Variants in SDC2 observed in about 807,000 individuals in gnomAD.
SDC2 encodes syndecan-2.
Under a neutral mutation model 22.2 loss-of-function variants are expected in SDC2, and 13 were observed. The ratio of observed to expected loss-of-function variants is 0.59; its 90% CI spans 0.38 to 0.93. The LOEUF (loss-of-function observed/expected upper bound fraction) is 0.93. SDC2 is among the 40% of genes least tolerant of loss of function. The pLI, the probability that SDC2 is intolerant of heterozygous loss-of-function variation, is 0.00. For synonymous variants in SDC2, 94 were observed against 92.8 expected (o/e 1.01, Z -0.07); for missense variants, 235 against 246.8 (o/e 0.95, Z 0.32).
chr8:96,515,057 T>C (rs1813382573), intron 1 of SDC2, among the ~76,000 whole-genome samples: 1 of 152,230 alleles, frequency 6.6e-6, no homozygotes, highest in African/African-American at 2.4e-5. Context: ...TGGGTTCTTA[T>C]AGGCTGGCCT....
intron 1 of SDC2, among the ~76,000 whole-genome samples, chr8:96,518,727 G>A (rs1563646047): frequency 6.6e-6 from 1 of 152,064 alleles, no homozygotes; most frequent in Non-Finnish European, 1.5e-5. Flanking sequence ...TTTATTCTTG[G>A]GTCCGTGGGA....
intron 1 of SDC2, among the ~76,000 whole-genome samples, chr8:96,537,988 G>C (rs1813781646): frequency 6.6e-6 from 1 of 152,132 alleles, no homozygotes; most frequent in Non-Finnish European, 1.5e-5. Flanking sequence ...TTTTGAGACG[G>C]AGTCTCGCTC....
At chr8:96,519,752 C>T (rs1813465676) in intron 1 of SDC2, among the ~76,000 whole-genome samples, 1 of 151,928 alleles carries the variant, frequency 6.6e-6, no homozygotes, top group African/African-American at 2.4e-5. Flanking sequence ...TCTTGTGCCT[C>T]AACCTCCTGT....
At chr8:96,590,555 C>T (rs1814763647) in intron 1 of SDC2, among the ~76,000 whole-genome samples, 1 of 152,200 alleles carries the variant, frequency 6.6e-6, no homozygotes, top group African/African-American at 2.4e-5. Context: ...CCGTCCTAGG[C>T]ATGTTCATTC....
At chr8:96,522,308 T>G (rs1367177667) in intron 1 of SDC2, among the ~76,000 whole-genome samples, 1 of 152,204 alleles carries the variant, frequency 6.6e-6, no homozygotes, top group Non-Finnish European at 1.5e-5. Flanking sequence ...TGTGTCTATT[T>G]ATTGTTGGAT....
At chr8:96,601,464 A>G (rs1027184410) in intron 2 of SDC2, among the ~76,000 whole-genome samples, 7 of 151,716 alleles carry the variant, frequency 4.6e-5, no homozygotes, top group Admixed American at 3.9e-4. Flanking sequence ...ACATGGTGAA[A>G]CCCCATCTCT....
intron 1 of SDC2, among the ~76,000 whole-genome samples, chr8:96,517,771 A>ATG (rs34151563): frequency 0.026 from 3,868 of 149,430 alleles, 72 homozygotes; most frequent in Admixed American, 0.064. Flanking sequence ...GTGTGTGTGC[A>ATG]TGTGTGTGTG....
At chr8:96,595,782 C>G (rs547401046) in intron 2 of SDC2, among the ~76,000 whole-genome samples, 1 of 152,330 alleles carries the variant, frequency 6.6e-6, no homozygotes, top group East Asian at 1.9e-4. Context: ...CCAACCTCTA[C>G]AGACCCCCTG....
intron 1 of SDC2, among the ~76,000 whole-genome samples, chr8:96,566,691 ATTTAT>A (rs1814304628): frequency 2.7e-5 from 4 of 150,244 alleles, no homozygotes; most frequent in Admixed American, 1.3e-4. Context: ...TTATTTTTAT[ATTTAT>A]TTTATTATTA....
chr8:96,570,024 A>G (rs899230248), intron 1 of SDC2, among the ~76,000 whole-genome samples: 1 of 152,216 alleles, frequency 6.6e-6, no homozygotes, highest in African/African-American at 2.4e-5. Flanking sequence ...TGATTTGTTG[A>G]TCTAACACGC....
chr8:96,536,184 A>G (rs929853782), intron 1 of SDC2, among the ~76,000 whole-genome samples: 1 of 151,720 alleles, frequency 6.6e-6, no homozygotes, highest in Admixed American at 6.6e-5. Context: ...ATTTTCTCCC[A>G]AGGGACAGAA....
chr8:96,587,732 A>C (rs1208090337), intron 1 of SDC2, among the ~76,000 whole-genome samples: 1 of 152,192 alleles, frequency 6.6e-6, no homozygotes, highest in Non-Finnish European at 1.5e-5. Context: ...TTAAATCGAT[A>C]TTCTGGGGGG....
At position 96,508,658 on chromosome 8, in the gene SDC2, T is replaced by C. The variant is rs1563642068; in HGVS notation, c.60+14327T>C. On this transcript the variant is annotated intron_variant, in intron 1 of 4. Coordinates refer to ENST00000302190, the MANE Select transcript of SDC2 (RefSeq NM_002998.4). ...TACCATTACCACAGCCTTCTCCTACTATAGATAGGCATTTTCCATTCATTG... is the reference window on the plus strand; with the variant it reads ...TACCATTACCACAGCCTTCTCCTACCATAGATAGGCATTTTCCATTCATTG... 2.1e-5 allele frequency among the ~76,000 whole-genome samples: 3 copies of C among 142,224 alleles called. 1 individual carries two copies. In the South Asian group the frequency reaches 6.7e-4, roughly 32 times the overall value. The allele number at this position is 142,224 out of a possible 152,430, so 93.3% of individuals were successfully genotyped here.
chr8:96,543,254 A>G (rs1813880951), intron 1 of SDC2, among the ~76,000 whole-genome samples: 1 of 152,226 alleles, frequency 6.6e-6, no homozygotes, highest in African/African-American at 2.4e-5. Flanking sequence ...AAAGACTTTA[A>G]TGTACAAATA....
At chr8:96,573,922 T>C (rs1814444158) in intron 1 of SDC2, among the ~76,000 whole-genome samples, 1 of 152,006 alleles carries the variant, frequency 6.6e-6, no homozygotes, top group South Asian at 2.1e-4. Flanking sequence ...CACCCTACCC[T>C]TTATCACACA....
chr8:96,602,245 A>T, intron 2 of SDC2, 150 bp from the exon 3 acceptor site: 1 of 745,842 alleles, frequency 1.3e-6, no homozygotes, highest in Middle Eastern at 3.3e-4. Flanking sequence ...CATGGTGAAG[A>T]CCACAGGAAG....
Position 96,507,011 on chromosome 8 carries a change from GAAAA to G in SDC2, c.60+12697_60+12700del, listed in dbSNP as rs3065030. Among the ~76,000 whole-genome samples, 127 of 111,398 alleles carry G rather than the reference GAAAA, an allele frequency of 1.1e-3. 1 individual carries two copies. Among genetic ancestry groups the G allele is most frequent in the African/African-American group, 3.8e-3 (120 of 31,684 alleles). 73.1% of individuals were successfully genotyped at this position (111,398 alleles called of 152,430 possible). ...GCAACAGAGCGAGACTCTGTCTCAG[GAAAA>G]AAAAAAAAAAAAAAAAGATAGCTAA... On this transcript the variant is annotated intron_variant, in intron 1 of 4. Coordinates refer to ENST00000302190, the MANE Select transcript of SDC2 (RefSeq NM_002998.4).
chr8:96,551,161 A>G (rs1382226185), intron 1 of SDC2, among the ~76,000 whole-genome samples: 1 of 152,158 alleles, frequency 6.6e-6, no homozygotes, highest in African/African-American at 2.4e-5. Context: ...ACCCACACCT[A>G]GTCTAGGCAG....
intron 1 of SDC2, chr8:96,538,756 G>A (rs1813796633): frequency 6.6e-6 from 1 of 152,266 alleles, no homozygotes; most frequent in Non-Finnish European, 1.5e-5. Context: ...TCTTCAGAAT[G>A]TGAAGAGCAA....
Sources: gnomAD v4.1 joint callset for allele counts (sites outside exome capture counted in the v4.1 genomes callset) on GRCh38, gnomAD v4.1.1 for gene constraint, MANE v1.5 for transcripts, NCBI Gene and HGNC (gene_info 2026-07-23, HGNC 2026-07-21) for gene names.